GALNT16: variants seen among roughly 807,000 people sequenced by gnomAD.
The protein encoded by GALNT16 is polypeptide N-acetylgalactosaminyltransferase 16, also known as UDP-GalNAc:polypeptide N-acetylgalactosaminyltransferase-like protein 1.
A neutral mutation model predicts 76.1 loss-of-function variants in GALNT16; 40 were observed. The observed-to-expected ratio is 0.53, with a 90% confidence interval of 0.41 to 0.68. The LOEUF (loss-of-function observed/expected upper bound fraction) is 0.68, where lower values mean the gene tolerates loss of function less well. GALNT16 is among the 30% of genes least tolerant of loss of function. The pLI is 0.00. For missense variants in GALNT16, 621 were observed against 731.9 expected, an observed-to-expected ratio of 0.85 and a Z score of 1.75; for synonymous variants, 276 against 285.2, an observed-to-expected ratio of 0.97 and a Z score of 0.32.
chr14:69,273,047 G>C (rs942462931), intron 1 of GALNT16, among the ~76,000 whole-genome samples: 2 of 152,202 alleles, frequency 1.3e-5, no homozygotes, highest in Admixed American at 6.5e-5. Flanking sequence ...TTGACTTCAG[G>C]ATTAGATCTT....
intron 2 of GALNT16, among the ~76,000 whole-genome samples, chr14:69,323,323 T>G (rs535654503): frequency 2.0e-4 from 31 of 152,180 alleles, no homozygotes; most frequent in Admixed American, 1.7e-3. Flanking sequence ...TAAACCCCCA[T>G]GCTAAGTAAC....
intron 1 of GALNT16, among the ~76,000 whole-genome samples, chr14:69,318,803 C>T (rs1007301469): frequency 3.9e-5 from 6 of 152,222 alleles, no homozygotes; most frequent in Non-Finnish European, 8.8e-5. Flanking sequence ...CAACTGGAGG[C>T]TCCGTTCCAT....
the GALNT16 span, among the ~76,000 whole-genome samples, chr14:69,363,421 C>T: frequency 6.6e-6 from 1 of 152,220 alleles, no homozygotes; most frequent in Admixed American, 6.5e-5. Flanking sequence ...CCTTTCCCTT[C>T]CTAGCTGGGC....
upstream of GALNT16, chr14:69,260,085 G>A (rs1008199602): frequency 1.0e-4 from 57 of 551,836 alleles, no homozygotes; most frequent in African/African-American, 1.1e-3. Flanking sequence ...GCTCGGGGCT[G>A]AAGGGCATTA....
intron 1 of GALNT16, among the ~76,000 whole-genome samples, chr14:69,266,424 C>T (rs1035998347): frequency 3.9e-5 from 6 of 152,114 alleles, no homozygotes; most frequent in African/African-American, 1.4e-4. Context: ...CTCTTGACTC[C>T]AAAATCAAAG....
intron 14 of GALNT16, 127 bp downstream of exon 14, chr14:69,348,129 G>C: frequency 1.1e-6 from 1 of 919,686 alleles, no homozygotes; most frequent in Non-Finnish European, 1.7e-6. Context: ...TCTGTGGGGA[G>C]GGGGAGCAAA....
chr14:69,333,878 A>G lies in GALNT16; in HGVS notation c.967+278A>G, dbSNP rs1402412660. 1 of 409,854 alleles carries G rather than the reference A, an allele frequency of 2.4e-6. No homozygotes were observed. Among genetic ancestry groups the G allele is most frequent in the Non-Finnish European group, 4.4e-6 (1 of 229,270 alleles). 25.4% of individuals were successfully genotyped at this position (409,854 alleles called of 1,614,324 possible). On this transcript the variant is annotated intron_variant, in intron 9 of 14. Coordinates refer to ENST00000448469, the MANE Select transcript of GALNT16 (RefSeq NM_001168368.2). The surrounding 1 kb of genome is among the most constrained non-coding windows in gnomAD (Gnocchi z 4.2). ...GGAGCCCGTGGTCACATGGCTGGACATGTGTGTGGAAGAACACACAACTGT... is the reference window on the plus strand; with the variant it reads ...GGAGCCCGTGGTCACATGGCTGGACGTGTGTGTGGAAGAACACACAACTGT...
At chr14:69,342,284 C>T (rs1594865908) in intron 12 of GALNT16, among the ~76,000 whole-genome samples, 1 of 151,690 alleles carries the variant, frequency 6.6e-6, no homozygotes, top group East Asian at 1.9e-4. Flanking sequence ...CTTGTCTCTA[C>T]TAAAAATCAA....
chr14:69,305,055 T>C (rs2044911869), intron 1 of GALNT16, among the ~76,000 whole-genome samples: 1 of 152,072 alleles, frequency 6.6e-6, no homozygotes, highest in Non-Finnish European at 1.5e-5. Context: ...CTGTTTTCTG[T>C]AGCAGCTGCG....
intron 1 of GALNT16, among the ~76,000 whole-genome samples, chr14:69,317,554 T>C (rs1050683425): frequency 3.9e-5 from 6 of 152,228 alleles, no homozygotes; most frequent in African/African-American, 1.4e-4. Flanking sequence ...TGTATGTACA[T>C]AGTAGGTTTT....
chr14:69,339,125 A>AT (rs2045451904), intron 10 of GALNT16, among the ~76,000 whole-genome samples: 1 of 152,120 alleles, frequency 6.6e-6, no homozygotes, highest in Admixed American at 6.5e-5. Flanking sequence ...CCATCTGTCC[A>AT]TCCCTATCCC....
At chr14:69,307,499 C>T (rs1210560205) in intron 1 of GALNT16, among the ~76,000 whole-genome samples, 1 of 152,166 alleles carries the variant, frequency 6.6e-6, no homozygotes, top group African/African-American at 2.4e-5. Context: ...GCTGAACCCC[C>T]TCCTTTTATA....
chr14:69,350,902 T>C (rs1374007645), intron 14 of GALNT16: 1 of 152,294 alleles, frequency 6.6e-6, no homozygotes, highest in Middle Eastern at 3.2e-3. Flanking sequence ...GAAACCTGGG[T>C]CTCTGCCTCT....
chr14:69,304,860 C>T (rs553811289), intron 1 of GALNT16, among the ~76,000 whole-genome samples: 82 of 152,282 alleles, frequency 5.4e-4, no homozygotes, highest in Admixed American at 1.4e-3. Context: ...TTTCTTTATC[C>T]GTTCATCTGT....
intron 1 of GALNT16, among the ~76,000 whole-genome samples, chr14:69,288,978 A>G (rs963028298): frequency 6.6e-6 from 1 of 152,130 alleles, no homozygotes; most frequent in Admixed American, 6.5e-5. Context: ...CCTGAGCTCA[A>G]GTGATCCTCC....
the GALNT16 span, among the ~76,000 whole-genome samples, chr14:69,366,590 T>C: frequency 6.6e-6 from 1 of 152,232 alleles, no homozygotes; most frequent in South Asian, 2.1e-4. Flanking sequence ...TAAAACTCTC[T>C]GAGGGTATCA....
In GALNT16 at chr14:69,328,530, A is replaced by T; in HGVS notation, c.649A>T (p.Asn217Tyr). 1 of 1,613,942 alleles carries T rather than the reference A, an allele frequency of 6.2e-7. No individual in the cohort carries two copies. The highest frequency in any genetic ancestry group is 8.5e-7 in the Non-Finnish European group (1 of 1,179,984). Residue 217 changes from asparagine (N) to tyrosine (Y), a missense_variant, in exon 6 of 15, where the codon AAC becomes TAC. By Grantham distance (143) the Asn-to-Tyr change is moderately radical (BLOSUM62 -2). Coordinates refer to ENST00000448469, the MANE Select transcript of GALNT16 (RefSeq NM_001168368.2). Reference protein sequence around the residue: ...LTFLDSHCEVNTEWLPPMLQR... With the variant: ...LTFLDSHCEVYTEWLPPMLQR... ...CTTTCTGGATAGCCACTGCGAAGTG[A>T]ACACCGAGTGGCTGCCGCCCATGCT...
intron 12 of GALNT16, among the ~76,000 whole-genome samples, chr14:69,343,006 TGGAG>T (rs998829803): frequency 6.6e-6 from 1 of 152,222 alleles, no homozygotes; most frequent in Non-Finnish European, 1.5e-5. Context: ...TCTATGAGGG[TGGAG>T]GCTTTGATCT....
chr14:69,328,792 A>T (rs954173509), intron 6 of GALNT16, among the ~76,000 whole-genome samples: 1 of 152,228 alleles, frequency 6.6e-6, no homozygotes, highest in Non-Finnish European at 1.5e-5. Context: ...ATGAAATTGG[A>T]TGAAAGCCTG....
Sources: gnomAD v4.1 joint callset for allele counts (sites outside exome capture counted in the v4.1 genomes callset) on GRCh38, gnomAD v4.1.1 for gene constraint, Gnocchi (gnomAD v3.1) non-coding constraint, MANE v1.5 for transcripts, NCBI Gene and HGNC (gene_info 2026-07-23, HGNC 2026-07-21) for gene names.